The following SNX9 variants were observed in gnomAD, a reference collection of about 807,000 sequenced individuals.
SNX9 encodes the protein sorting nexin-9.
A neutral mutation model predicts 89.4 loss-of-function variants in SNX9; 44 were observed. The ratio of observed to expected loss-of-function variants is 0.49; its 90% CI spans 0.39 to 0.63. SNX9 has a LOEUF of 0.63. SNX9 is among the 30% of genes least tolerant of loss of function. The probability of loss-of-function intolerance (pLI) is 0.00; values close to 1 mark genes in which losing one functional copy is unlikely to be tolerated. For missense variants in SNX9, 578 were observed against 736.1 expected (o/e 0.79, Z 2.49); for synonymous variants, 236 against 247.8 (o/e 0.95, Z 0.45).
intron 7 of SNX9, among the ~76,000 whole-genome samples, chr6:157,906,845 A>C (rs1783226686): frequency 1.3e-5 from 2 of 152,238 alleles, no homozygotes; most frequent in Admixed American, 1.3e-4. Flanking sequence ...GAAATTCTGG[A>C]AAAGAGAACT....
intron 4 of SNX9, among the ~76,000 whole-genome samples, chr6:157,891,383 CACA>C (rs934964894): frequency 2.6e-5 from 4 of 152,040 alleles, no homozygotes; most frequent in Admixed American, 6.5e-5. Context: ...TGTGATCGAC[CACA>C]ACAAGTTAAT....
chr6:157,875,920 T>G (rs1782508940), intron 4 of SNX9, among the ~76,000 whole-genome samples: 1 of 150,222 alleles, frequency 6.7e-6, no homozygotes, highest in Admixed American at 6.6e-5. Flanking sequence ...GCAGGTGGAT[T>G]GCTTGAGTGC....
Position 157,827,515 on chromosome 6 carries a change from A to ATATATTATAT in SNX9, c.12+4073_12+4074insTTATATTATA, listed in dbSNP as rs11282507. 1.2e-3 allele frequency among the ~76,000 whole-genome samples: 7 copies of ATATATTATAT among 5,768 alleles called. 1 individual carries two copies. The highest frequency in any genetic ancestry group is 2.6e-3 in the African/African-American group (1 of 378). The allele number at this position is 5,768 out of a possible 152,430, so 3.8% of individuals were successfully genotyped here. A position where few individuals can be genotyped will look rare whatever the true frequency, so the allele number is the denominator to read the frequency against. On this transcript the variant is annotated intron_variant, in intron 1 of 17. Transcript: ENST00000392185. The stretch of plus-strand genomic sequence containing the variant: ...CTTATAGTTTATATAATATATAAAC[A>ATATATTATAT]TATAGTTTATATAATATATAAACAT...
intron 1 of SNX9, among the ~76,000 whole-genome samples, chr6:157,840,411 C>A (rs113472268): frequency 0.012 from 1,424 of 119,544 alleles, 69 homozygotes; most frequent in African/African-American, 0.061. Flanking sequence ...AAAATACTTT[C>A]TTTCTTTCTT....
intron 1 of SNX9, among the ~76,000 whole-genome samples, chr6:157,842,031 C>T (rs1193173440): frequency 6.6e-6 from 1 of 152,122 alleles, no homozygotes; most frequent in Non-Finnish European, 1.5e-5. Context: ...AAATTCCAGA[C>T]ATCGTTTCAT....
chr6:157,906,194 A>G lies in SNX9; in HGVS notation c.687A>G (p.Lys229=). 6.3e-7 allele frequency: 1 copy of G among 1,598,348 alleles called. No homozygotes were observed. The highest frequency in any genetic ancestry group is 8.5e-7 in the Non-Finnish European group (1 of 1,175,928). The stretch of plus-strand genomic sequence containing the variant: ...TGGCCAAACAACTAGCAAAACCCAA[A>G]GAGAAAATTCCCATCATTGTAAGTT... ...YLLAKQLAKP[K]EKIPIIVGDY... The change falls in exon 7 of 18, where the codon AAA becomes AAG. Residue 229 remains lysine (K), a synonymous_variant. Transcript: ENST00000392185.
chr6:157,896,794 A>G (rs1782985489), intron 4 of SNX9, 33 bp from the exon 5 acceptor site: 1 of 1,611,866 alleles, frequency 6.2e-7, no homozygotes, highest in African/African-American at 1.3e-5. Flanking sequence ...CAAAAGTCAC[A>G]AAAATTCTCC....
chr6:157,825,700 G>T (rs187474456), intron 1 of SNX9, among the ~76,000 whole-genome samples: 4 of 152,294 alleles, frequency 2.6e-5, no homozygotes, highest in East Asian at 3.9e-4. Flanking sequence ...CAACGAAGCA[G>T]TTATTAAAAG....
At chr6:157,915,665 A>G (rs1783452171) in intron 9 of SNX9, among the ~76,000 whole-genome samples, 1 of 139,682 alleles carries the variant, frequency 7.2e-6, no homozygotes, top group African/African-American at 2.7e-5. Context: ...ATACACACAC[A>G]CACACAAAAA....
chr6:157,928,477 T>G, intron 11 of SNX9, 122 bp from the exon 12 acceptor site: 1 of 709,150 alleles, frequency 1.4e-6, no homozygotes, highest in South Asian at 1.7e-5. Flanking sequence ...AAGGCTAACT[T>G]AGTGAAAGGG....
In SNX9 at chr6:157,870,279, C is replaced by G. The variant is rs554839053; in HGVS notation, c.99+2646C>G. On this transcript the variant is annotated intron_variant, in intron 2 of 17. Transcript: ENST00000392185. ...TCTCTCACATCCCCACGCTCATGCT[C>G]TCACATATGCACTCACGTGTGAGCA... is the stretch of plus-strand genomic sequence containing the variant. 1.8e-3 allele frequency among the ~76,000 whole-genome samples: 257 copies of G among 144,296 alleles called. 3 individuals are homozygous for G. The highest frequency in any genetic ancestry group is 4.3e-3 in the South Asian group (19 of 4,422). 94.7% of individuals were successfully genotyped at this position (144,296 alleles called of 152,430 possible). A position where few individuals can be genotyped will look rare whatever the true frequency, so the allele number is the denominator to read the frequency against.
intron 4 of SNX9, among the ~76,000 whole-genome samples, chr6:157,886,489 C>T (rs973401656): frequency 3.3e-5 from 5 of 152,144 alleles, no homozygotes; most frequent in African/African-American, 1.2e-4. Context: ...ACTCTTTACA[C>T]TAGGTGTCTT....
At chr6:157,931,386 C>T (rs1783808130) in intron 12 of SNX9, among the ~76,000 whole-genome samples, 1 of 152,184 alleles carries the variant, frequency 6.6e-6, no homozygotes, top group African/African-American at 2.4e-5. Flanking sequence ...TTCTTTTTCT[C>T]CTTTAATACT....
chr6:157,891,051 A>C (rs1189957383), intron 4 of SNX9, among the ~76,000 whole-genome samples: 1 of 71,010 alleles, frequency 1.4e-5, no homozygotes, highest in East Asian at 4.3e-4. Context: ...TTTTTTTTTG[A>C]GACAGAGTCT....
At chr6:157,851,271 C>T (rs1781905528) in intron 1 of SNX9, among the ~76,000 whole-genome samples, 1 of 150,054 alleles carries the variant, frequency 6.7e-6, no homozygotes, top group Non-Finnish European at 1.5e-5. Flanking sequence ...AAAAAAAAAC[C>T]CTAAAATAAA....
At chr6:157,836,613 T>C (rs1349994160) in intron 1 of SNX9, among the ~76,000 whole-genome samples, 1 of 151,070 alleles carries the variant, frequency 6.6e-6, no homozygotes, top group Non-Finnish European at 1.5e-5. Context: ...TTTTTTTTGA[T>C]ACAGAGTCTT....
At chr6:157,837,998 T>C (rs1235665240) in intron 1 of SNX9, among the ~76,000 whole-genome samples, 1 of 152,204 alleles carries the variant, frequency 6.6e-6, no homozygotes, top group Non-Finnish European at 1.5e-5. Context: ...ATATTCAGTA[T>C]GCTACATTGC....
intron 1 of SNX9, among the ~76,000 whole-genome samples, chr6:157,825,220 C>CGAT (rs1554290379): frequency 1.1e-4 from 16 of 152,142 alleles, no homozygotes; most frequent in Non-Finnish European, 1.8e-4. Flanking sequence ...TGCACTCCAG[C>CGAT]CTGGGCGACA....
chr6:157,840,057 TG>T (rs749992890), intron 1 of SNX9, among the ~76,000 whole-genome samples: 1 of 151,436 alleles, frequency 6.6e-6, no homozygotes, highest in Non-Finnish European at 1.5e-5. Flanking sequence ...TGAGGGAAGG[TG>T]GGGGTGTCTT....
Sources: allele counts gnomAD v4.1 joint callset (sites outside exome capture counted in the v4.1 genomes callset), GRCh38; gene constraint gnomAD v4.1.1; transcripts MANE v1.5; gene names NCBI Gene and HGNC (gene_info 2026-07-23, HGNC 2026-07-21).